Variants in CACNA1C observed in about 807,000 individuals in gnomAD.
The protein encoded by CACNA1C is voltage-dependent L-type calcium channel subunit alpha-1C.
In CACNA1C, 30 loss-of-function variants were observed where a neutral mutation model predicts 229.0. That is an observed-to-expected ratio of 0.13 (90% CI 0.10 to 0.18). The LOEUF is 0.18. Ranked by LOEUF, CACNA1C falls within the 10% of genes least tolerant of loss-of-function variation. The pLI, the probability that CACNA1C is intolerant of heterozygous loss-of-function variation, is 1.00. For missense variants in CACNA1C, 1,658 were observed against 2,845.0 expected (o/e 0.58, Z 9.49); for synonymous variants, 1,114 against 1,132.5 (o/e 0.98, Z 0.33).
chr12:2,189,763 C>T (rs925141654), intron 3 of CACNA1C, among the ~76,000 whole-genome samples: 5 of 152,096 alleles, frequency 3.3e-5, no homozygotes, highest in East Asian at 3.9e-4. Flanking sequence ...ATTAAAATAA[C>T]GTGCTCATTA....
chr12:2,443,538 A>G (rs927983462), intron 3 of CACNA1C, among the ~76,000 whole-genome samples: 2 of 152,246 alleles, frequency 1.3e-5, no homozygotes, highest in African/African-American at 4.8e-5. Context: ...GGGAGTCTTC[A>G]TCTGTTCCAC....
chr12:2,463,131 G>C (rs1054980796), intron 5 of CACNA1C, among the ~76,000 whole-genome samples: 5 of 151,924 alleles, frequency 3.3e-5, no homozygotes, highest in Non-Finnish European at 5.9e-5. Context: ...GGATGGTCTC[G>C]ATCTCCTGAC....
In CACNA1C at chr12:2,597,201, T is replaced by A; in HGVS notation, c.2794-29T>A. 5.5e-5 allele frequency: 76 copies of A among 1,391,062 alleles called. No individual in the cohort carries two copies. The highest frequency in any genetic ancestry group is 1.8e-4 in the Middle Eastern group (1 of 5,584). The allele number at this position is 1,391,062 out of a possible 1,614,324, so 86.2% of individuals were successfully genotyped here. ...CTGCTTTTCTCCCTTCCCCATCCCA[T>A]CCCCACCCTGTTCCTTTTTGTTTTG... On this transcript the variant is annotated intron_variant, in intron 20 of 46. Coordinates refer to ENST00000399655, the MANE Select transcript of CACNA1C (RefSeq NM_000719.7). The surrounding 1 kb of genome is among the most constrained non-coding windows in gnomAD (Gnocchi z 4.3).
At chr12:2,398,898 A>C (rs1053185480) in intron 3 of CACNA1C, among the ~76,000 whole-genome samples, 4 of 152,162 alleles carry the variant, frequency 2.6e-5, no homozygotes, top group Non-Finnish European at 4.4e-5. Context: ...GAGCTTTCCT[A>C]GTATTTTTGT....
At chr12:2,071,010 T>TCTCCTTCCTTCCTTCTCTC (rs2061012283) in intron 1 of CACNA1C, among the ~76,000 whole-genome samples, 7 of 124,498 alleles carry the variant, frequency 5.6e-5, no homozygotes, top group Non-Finnish European at 1.0e-4. Context: ...TTCCTTCTCT[T>TCTCCTTCCTTCCTTCTCTC]TCTCCTTCCT....
At chr12:2,020,218 G>A (rs1298405866) in intron 1 of CACNA1C, 1 of 152,192 alleles carries the variant, frequency 6.6e-6, no homozygotes, top group Non-Finnish European at 1.5e-5. Flanking sequence ...CAGATACCAT[G>A]TGAAGCGCTT....
intron 3 of CACNA1C, among the ~76,000 whole-genome samples, chr12:2,202,867 AGTT>A (rs1472503807): frequency 2.0e-5 from 3 of 152,178 alleles, no homozygotes; most frequent in African/African-American, 7.2e-5. Context: ...CCGGAGATGA[AGTT>A]GTCTGTCTGA....
chr12:2,019,572 AAAG>A (rs750657481), intron 1 of CACNA1C, among the ~76,000 whole-genome samples: 122 of 119,338 alleles, frequency 1.0e-3, no homozygotes, highest in Non-Finnish European at 1.4e-3. Flanking sequence ...GAAGGAAAGA[AAAG>A]AAAGAGAGAG....
intron 3 of CACNA1C, among the ~76,000 whole-genome samples, chr12:2,161,686 C>T (rs1171558541): frequency 6.6e-6 from 1 of 152,194 alleles, no homozygotes. Flanking sequence ...TGCTGTAGAA[C>T]AGGATGTGCG....
chr12:2,089,961 G>A (rs762620928), intron 1 of CACNA1C, among the ~76,000 whole-genome samples: 4 of 152,242 alleles, frequency 2.6e-5, no homozygotes, highest in East Asian at 1.9e-4. Flanking sequence ...CCCGGGAGGC[G>A]GAGGTTGCGG....
At chr12:2,544,747 G>A (rs545899103) in intron 9 of CACNA1C, among the ~76,000 whole-genome samples, 15 of 152,368 alleles carry the variant, frequency 9.8e-5, no homozygotes, top group Non-Finnish European at 2.2e-4. Flanking sequence ...GATGCTTGAA[G>A]AAGTGGTAGT....
At chr12:2,115,661 C>T (rs573750350) in intron 2 of CACNA1C, 116 bp downstream of exon 2, 123 of 932,892 alleles carry the variant, frequency 1.3e-4, no homozygotes, top group African/African-American at 9.3e-4. Context: ...AACGGGGCCT[C>T]GGGCCTACTG....
At chr12:1,993,499 G>T (rs1304744508) in intron 1 of CACNA1C, 5 of 1,398,602 alleles carry the variant, frequency 3.6e-6, no homozygotes, top group African/African-American at 1.4e-5. Flanking sequence ...GTTTGTATAT[G>T]CAGCTTTATA....
chr12:2,164,885 GTCA>G (rs1566083799), intron 3 of CACNA1C, among the ~76,000 whole-genome samples: 2 of 152,038 alleles, frequency 1.3e-5, no homozygotes, highest in African/African-American at 4.8e-5. Context: ...AATGGTGGCA[GTCA>G]TCGTCATTGA....
intron 3 of CACNA1C, among the ~76,000 whole-genome samples, chr12:2,445,779 GA>G (rs1457660532): frequency 2.6e-5 from 4 of 152,104 alleles, no homozygotes; most frequent in Non-Finnish European, 5.9e-5. Context: ...AGGCAGTCTG[GA>G]CTAGGGGTGC....
chr12:2,584,386 C>T, intron 15 of CACNA1C, 117 bp from the exon 16 acceptor site: 1 of 680,210 alleles, frequency 1.5e-6, no homozygotes, highest in Non-Finnish European at 2.6e-6. Flanking sequence ...AAATTGCTTC[C>T]CCCTCAAGCT....
intron 3 of CACNA1C, among the ~76,000 whole-genome samples, chr12:2,332,204 T>C (rs1853956537): frequency 6.6e-6 from 1 of 152,252 alleles, no homozygotes; most frequent in Non-Finnish European, 1.5e-5. Context: ...ATGTTACATA[T>C]GTATATTTCT....
rs547185323 is a variant in CACNA1C at position 2,588,615 on chromosome 12, A to G, written c.2530+2711A>G. ...AGGAGGGGCCTGTTTCTAATTCAAC[A>G]AGGGGCCATCGAGGCCAGCCATGGC... On this transcript the variant is annotated intron_variant, in intron 18 of 46. Coordinates refer to ENST00000399655, the MANE Select transcript of CACNA1C (RefSeq NM_000719.7). Among the ~76,000 whole-genome samples, 268 of 152,270 alleles carry G rather than the reference A, an allele frequency of 1.8e-3. 2 individuals are homozygous for G. The highest frequency in any genetic ancestry group is 6.3e-3 in the African/African-American group (262 of 41,544).
chr12:2,411,422 A>G (rs547912140), intron 3 of CACNA1C, among the ~76,000 whole-genome samples: 7 of 152,088 alleles, frequency 4.6e-5, no homozygotes, highest in Admixed American at 2.6e-4. Flanking sequence ...TTACGGTTCT[A>G]TTTTTCGCTG....
Sources: gnomAD v4.1 joint callset for allele counts (sites outside exome capture counted in the v4.1 genomes callset) on GRCh38, gnomAD v4.1.1 for gene constraint, Gnocchi (gnomAD v3.1) non-coding constraint, MANE v1.5 for transcripts, NCBI Gene and HGNC (gene_info 2026-07-23, HGNC 2026-07-21) for gene names.